KCNJ3: variants seen among roughly 807,000 people sequenced by gnomAD.
The protein encoded by KCNJ3 is potassium inwardly rectifying channel subfamily J member 3, also known as G protein-activated inward rectifier potassium channel 1.
KCNJ3 carries 4 observed loss-of-function variants against 39.2 expected under a neutral mutation model. The ratio of observed to expected loss-of-function variants is 0.10; its 90% CI spans 0.05 to 0.23. The LOEUF is 0.23. KCNJ3 is among the 10% of genes least tolerant of loss of function. The probability of loss-of-function intolerance (pLI) is 1.00; values close to 1 mark genes in which losing one functional copy is unlikely to be tolerated. For synonymous variants in KCNJ3, 230 were observed against 237.4 expected (o/e 0.97, Z 0.29); for missense variants, 276 against 634.9 (o/e 0.43, Z 6.08).
chr2:154,847,044 C>T (rs936061981), intron 2 of KCNJ3, among the ~76,000 whole-genome samples: 3 of 152,096 alleles, frequency 2.0e-5, no homozygotes, highest in Admixed American at 2.0e-4. Context: ...TTCTACTCCT[C>T]GCTAAAAGTC....
chr2:154,849,177 A>G (rs1687714027), intron 2 of KCNJ3, among the ~76,000 whole-genome samples: 2 of 152,230 alleles, frequency 1.3e-5, no homozygotes, highest in Non-Finnish European at 2.9e-5. Context: ...AGAAAATAGG[A>G]AGGGGGATAA....
intron 2 of KCNJ3, among the ~76,000 whole-genome samples, chr2:154,819,705 A>G (rs1351187674): frequency 6.6e-6 from 1 of 151,616 alleles, no homozygotes; most frequent in African/African-American, 2.4e-5. Flanking sequence ...TAATTTTTGT[A>G]TTTTTAGTAG....
intron 2 of KCNJ3, among the ~76,000 whole-genome samples, chr2:154,752,105 A>C (rs1056170673): frequency 6.6e-6 from 1 of 152,076 alleles, no homozygotes; most frequent in African/African-American, 2.4e-5. Flanking sequence ...ATTACAAAGT[A>C]ATTTCCTTTT....
intron 1 of KCNJ3, among the ~76,000 whole-genome samples, chr2:154,703,519 C>CAT (rs1012935487): frequency 3.4e-5 from 5 of 147,838 alleles, no homozygotes; most frequent in Non-Finnish European, 7.5e-5. Flanking sequence ...ACATATCCTC[C>CAT]ATATATATAT....
intron 2 of KCNJ3, among the ~76,000 whole-genome samples, chr2:154,760,771 C>T (rs1686026535): frequency 7.8e-6 from 1 of 127,832 alleles, no homozygotes; most frequent in Admixed American, 9.0e-5. Flanking sequence ...GAGTCTTGCT[C>T]TGTCACCCAG....
intron 2 of KCNJ3, among the ~76,000 whole-genome samples, chr2:154,729,988 C>T (rs575799081): frequency 6.6e-6 from 1 of 152,128 alleles, no homozygotes; most frequent in Non-Finnish European, 1.5e-5. Context: ...ACTCCTCTTA[C>T]CCTCCTTTAC....
chr2:154,716,276 A>ATTTTTTTTTTTTT (rs535989708), intron 2 of KCNJ3, among the ~76,000 whole-genome samples: 45 of 115,432 alleles, frequency 3.9e-4, no homozygotes, highest in Non-Finnish European at 5.0e-4. Context: ...CGGCCGGCTA[A>ATTTTTTTTTTTTT]TTTTTTTTTT....
intron 2 of KCNJ3, among the ~76,000 whole-genome samples, chr2:154,846,043 T>G (rs1272701866): frequency 1.3e-5 from 2 of 151,292 alleles, no homozygotes; most frequent in Non-Finnish European, 2.9e-5. Context: ...GGATAGGGAG[T>G]TAAAGGTAGT....
chr2:154,790,858 T>C (rs1037002276), intron 2 of KCNJ3, among the ~76,000 whole-genome samples: 1 of 152,084 alleles, frequency 6.6e-6, no homozygotes, highest in African/African-American at 2.4e-5. Flanking sequence ...CTGCCTGTTT[T>C]GACAAGGAAT....
intron 2 of KCNJ3, among the ~76,000 whole-genome samples, chr2:154,772,620 A>G (rs1574456918): frequency 6.6e-6 from 1 of 152,162 alleles, no homozygotes; most frequent in Admixed American, 6.5e-5. Flanking sequence ...CTTTCCCTCA[A>G]ATTGTTAAAA....
Position 154,855,570 on chromosome 2 carries a change from T to A in KCNJ3, c.*257T>A, listed in dbSNP as rs1687822525. The A allele has an allele frequency of 3.3e-6, 1 of 306,600 alleles. No individual in the cohort carries two copies. The highest frequency in any genetic ancestry group is 6.0e-6 in the Non-Finnish European group (1 of 165,732). The allele number at this position is 306,600 out of a possible 1,614,324, so 19.0% of individuals were successfully genotyped here. A position where few individuals can be genotyped will look rare whatever the true frequency, so the allele number is the denominator to read the frequency against. On this transcript the variant is annotated 3_prime_UTR_variant, in exon 3 of 3. Coordinates refer to ENST00000295101, the MANE Select transcript of KCNJ3 (RefSeq NM_002239.4). Reference sequence around the variant, plus strand: ...AATAATGTGCAAATTTTGCATTTAGTTTTATGGCATGATTTATATATGGCA... The same window carrying A: ...AATAATGTGCAAATTTTGCATTTAGATTTATGGCATGATTTATATATGGCA...
At chr2:154,777,366 G>T (rs1686355878) in intron 2 of KCNJ3, among the ~76,000 whole-genome samples, 1 of 152,138 alleles carries the variant, frequency 6.6e-6, no homozygotes, top group Non-Finnish European at 1.5e-5. Flanking sequence ...CATCCTTAGT[G>T]AAAACCATGT....
intron 2 of KCNJ3, among the ~76,000 whole-genome samples, chr2:154,812,130 A>G (rs1414393959): frequency 1.3e-5 from 2 of 152,226 alleles, no homozygotes; most frequent in African/African-American, 4.8e-5. Context: ...GCAAAAAATA[A>G]TTGGGTGACA....
intron 2 of KCNJ3, among the ~76,000 whole-genome samples, chr2:154,833,320 G>GT (rs979531266): frequency 3.3e-5 from 5 of 152,162 alleles, no homozygotes; most frequent in African/African-American, 1.2e-4. Flanking sequence ...CCTCTCTTAA[G>GT]TACAAGGTTT....
chr2:154,787,778 G>A (rs1686558579), intron 2 of KCNJ3, among the ~76,000 whole-genome samples: 1 of 151,662 alleles, frequency 6.6e-6, no homozygotes, highest in Admixed American at 6.6e-5. Flanking sequence ...CCTCTAACTG[G>A]AATGCAACTT....
At chr2:154,852,735 G>C (rs1687777453) in intron 2 of KCNJ3, among the ~76,000 whole-genome samples, 1 of 151,936 alleles carries the variant, frequency 6.6e-6, no homozygotes, top group South Asian at 2.1e-4. Context: ...GAAATACTTA[G>C]AGGCTAGAAA....
chr2:154,805,552 G>T (rs1486244877), intron 2 of KCNJ3, among the ~76,000 whole-genome samples: 2 of 152,084 alleles, frequency 1.3e-5, no homozygotes, highest in Non-Finnish European at 2.9e-5. Context: ...CTAAAAGATT[G>T]TATTTTTACT....
intron 2 of KCNJ3, among the ~76,000 whole-genome samples, chr2:154,809,009 G>A (rs918540818): frequency 6.6e-6 from 1 of 152,074 alleles, no homozygotes; most frequent in African/African-American, 2.4e-5. Context: ...GATGGAAAAA[G>A]GTCTGGAAAG....
chr2:154,750,533 G>T (rs1038298718), intron 2 of KCNJ3, among the ~76,000 whole-genome samples: 10 of 151,926 alleles, frequency 6.6e-5, no homozygotes, highest in African/African-American at 2.4e-4. Context: ...TTATTTATGA[G>T]ATAGCTTCTG....
Sources: gnomAD v4.1 joint callset for allele counts (sites outside exome capture counted in the v4.1 genomes callset) on GRCh38, gnomAD v4.1.1 for gene constraint, MANE v1.5 for transcripts, NCBI Gene and HGNC (gene_info 2026-07-23, HGNC 2026-07-21) for gene names.